CCDC93: variants seen among roughly 807,000 people sequenced by gnomAD.
CCDC93 encodes coiled-coil domain-containing protein 93.
Under a neutral mutation model 108.2 loss-of-function variants are expected in CCDC93, and 61 were observed. The observed-to-expected ratio is 0.56, with a 90% CI of 0.46 to 0.70. CCDC93 has a LOEUF of 0.70. CCDC93 is among the 30% of genes least tolerant of loss of function. The pLI, the probability that CCDC93 is intolerant of heterozygous loss-of-function variation, is 0.00. For missense variants in CCDC93, 685 were observed against 764.2 expected (o/e 0.90, Z 1.22); for synonymous variants, 276 against 260.4 (o/e 1.06, Z -0.58).
At chr2:118,011,326 G>A (rs894161937) in intron 1 of CCDC93, among the ~76,000 whole-genome samples, 1 of 152,196 alleles carries the variant, frequency 6.6e-6, no homozygotes. Flanking sequence ...TGGCGTGGGG[G>A]AGGTGACAGC....
chr2:118,007,827 T>G (rs896258788), intron 2 of CCDC93, among the ~76,000 whole-genome samples: 2 of 152,234 alleles, frequency 1.3e-5, no homozygotes, highest in African/African-American at 4.8e-5. Flanking sequence ...TATTATAAAA[T>G]AACCCAGAGT....
chr2:117,978,160 C>T (rs990482120), intron 7 of CCDC93, 130 bp from the exon 8 acceptor site: 17 of 784,902 alleles, frequency 2.2e-5, no homozygotes, highest in Non-Finnish European at 3.6e-5. Context: ...CTTGAGAAAA[C>T]GTTACAAGTG....
intron 6 of CCDC93, among the ~76,000 whole-genome samples, chr2:117,990,665 G>A (rs1294827485): frequency 1.3e-5 from 2 of 150,938 alleles, no homozygotes; most frequent in Non-Finnish European, 2.9e-5. Context: ...ACAAACTATA[G>A]TTGAACTAGT....
intron 11 of CCDC93, among the ~76,000 whole-genome samples, chr2:117,965,142 T>C (rs1006259983): frequency 1.3e-5 from 2 of 151,860 alleles, no homozygotes; most frequent in South Asian, 2.1e-4. Flanking sequence ...CCACCCCTCC[T>C]GATTTTAGAC....
chr2:117,919,304 C>T lies in CCDC93; in HGVS notation c.*1039G>A, dbSNP rs977326458. The T allele has an allele frequency of 6.6e-6, 1 of 152,200 alleles. No individual in the cohort carries two copies. Among genetic ancestry groups the T allele is most frequent in the African/African-American group, 2.4e-5 (1 of 41,448 alleles). 9.4% of individuals were successfully genotyped at this position (152,200 alleles called of 1,614,324 possible). ...CATGCCTTGTACTCCTCTGCACTCT[C>T]TTGGGTTTTTAATCATAGTGTATTT... On this transcript the variant is annotated 3_prime_UTR_variant, in exon 24 of 24. Transcript: ENST00000376300.
intron 23 of CCDC93, among the ~76,000 whole-genome samples, chr2:117,930,040 A>G (rs562119910): frequency 8.7e-4 from 133 of 152,352 alleles, no homozygotes; most frequent in African/African-American, 2.9e-3. Context: ...GGGGTATAGT[A>G]GGAGCTGGAA....
At chr2:117,960,324 G>T (rs573274074) in intron 11 of CCDC93, among the ~76,000 whole-genome samples, 1 of 152,304 alleles carries the variant, frequency 6.6e-6, no homozygotes, top group South Asian at 2.1e-4. Context: ...TGCCTGTCAG[G>T]CTTCGAGACT....
In CCDC93 at chr2:117,917,680, G is replaced by A. The variant is rs1677728957; in HGVS notation, c.*2663C>T. 1 of 152,280 alleles carries A rather than the reference G, an allele frequency of 6.6e-6. No homozygotes were observed. Among genetic ancestry groups the A allele is most frequent in the Non-Finnish European group, 1.5e-5 (1 of 68,078 alleles). 9.4% of individuals were successfully genotyped at this position (152,280 alleles called of 1,614,324 possible). A position where few individuals can be genotyped will look rare whatever the true frequency, so the allele number is the denominator to read the frequency against. ...TTAGCTAACCCAGTCATCCAACAGA[G>A]ACGGAGCACAGGTCAAAGACATCAA... On this transcript the variant is annotated 3_prime_UTR_variant, in exon 24 of 24. Transcript: ENST00000376300.
chr2:117,954,356 C>T (rs1679153558), intron 12 of CCDC93, among the ~76,000 whole-genome samples: 1 of 152,036 alleles, frequency 6.6e-6, no homozygotes, highest in Non-Finnish European at 1.5e-5. Flanking sequence ...CAAAGACTTA[C>T]CCCAGATGGA....
rs1030224424 is a variant in CCDC93, at chr2:117,996,480, G to A, written c.364-118C>T. 29 of 673,556 alleles carry A rather than the reference G, an allele frequency of 4.3e-5. No individual in the cohort carries two copies. In the Admixed American group the frequency reaches 6.4e-4, roughly 15 times the overall value. The allele number at this position is 673,556 out of a possible 1,614,324, so 41.7% of individuals were successfully genotyped here. A position where few individuals can be genotyped will look rare whatever the true frequency, so the allele number is the denominator to read the frequency against. ...ATCAGCATAGTTGAACTGACTAGGT[G>A]ATAAGAAGCTATCAACACATGCTGT... On this transcript the variant is annotated intron_variant, in intron 4 of 23. Transcript: ENST00000376300.
intron 4 of CCDC93, chr2:117,999,940 G>C (rs750671722): frequency 1.3e-5 from 2 of 151,710 alleles, no homozygotes; most frequent in African/African-American, 4.8e-5. Context: ...GTGGAGCTGC[G>C]AATATGGAGG....
At chr2:117,922,416 T>A (rs998841111) in intron 23 of CCDC93, among the ~76,000 whole-genome samples, 4 of 152,148 alleles carry the variant, frequency 2.6e-5, no homozygotes, top group Non-Finnish European at 5.9e-5. Context: ...CCATGCCCAC[T>A]AGGTGCCAGA....
At chr2:117,968,012 T>C (rs898271974) in intron 11 of CCDC93, among the ~76,000 whole-genome samples, 1 of 152,218 alleles carries the variant, frequency 6.6e-6, no homozygotes, top group Non-Finnish European at 1.5e-5. Flanking sequence ...AGATTCAGAT[T>C]CACCAAGACA....
At chr2:117,988,458 G>A (rs1680383678) in intron 6 of CCDC93, among the ~76,000 whole-genome samples, 1 of 152,188 alleles carries the variant, frequency 6.6e-6, no homozygotes, top group Non-Finnish European at 1.5e-5. Context: ...CCGCCAATCT[G>A]GCATTCTACA....
At chr2:117,939,862 T>A (rs1678643917) in intron 19 of CCDC93, among the ~76,000 whole-genome samples, 1 of 152,174 alleles carries the variant, frequency 6.6e-6, no homozygotes. Context: ...CACTATGGAC[T>A]CAGGTACCAG....
chr2:117,964,639 C>A (rs150569101), intron 11 of CCDC93, among the ~76,000 whole-genome samples: 1 of 152,030 alleles, frequency 6.6e-6, no homozygotes, highest in East Asian at 1.9e-4. Flanking sequence ...CACTCTGTTG[C>A]CCAGGCTGGA....
intron 12 of CCDC93, among the ~76,000 whole-genome samples, chr2:117,956,652 A>G (rs1482335491): frequency 6.6e-6 from 1 of 152,228 alleles, no homozygotes; most frequent in African/African-American, 2.4e-5. Context: ...TTGACAACTC[A>G]TTAAAATGTC....
intron 8 of CCDC93, among the ~76,000 whole-genome samples, chr2:117,977,504 A>G (rs1199785893): frequency 6.6e-6 from 1 of 152,260 alleles, no homozygotes; most frequent in African/African-American, 2.4e-5. Flanking sequence ...AAGCATCATT[A>G]ATAAACACAT....
intron 18 of CCDC93, among the ~76,000 whole-genome samples, chr2:117,941,814 C>T (rs1390245178): frequency 6.6e-6 from 1 of 152,188 alleles, no homozygotes; most frequent in African/African-American, 2.4e-5. Flanking sequence ...CCCTACTGAC[C>T]GGGTCTGGGA....
Sources: allele counts gnomAD v4.1 joint callset (sites outside exome capture counted in the v4.1 genomes callset), GRCh38; gene constraint gnomAD v4.1.1; transcripts MANE v1.5; gene names NCBI Gene and HGNC (gene_info 2026-07-23, HGNC 2026-07-21).